The following ANK2 variants were observed in gnomAD, a reference collection of about 807,000 sequenced individuals.
ANK2 encodes ankyrin 2, also known as ankyrin-2.
Under a neutral mutation model 360.5 loss-of-function variants are expected in ANK2, and 83 were observed. The observed-to-expected ratio is 0.23, with a 90% CI of 0.19 to 0.28. The LOEUF is 0.28. Among genes scored for constraint, ANK2 ranks in the 10% least tolerant of loss-of-function variants. ANK2 has a pLI of 1.00. For synonymous variants in ANK2, 1,740 were observed against 1,759.5 expected (o/e 0.99, Z 0.28); for missense variants, 4,201 against 4,795.7 (o/e 0.88, Z 3.66).
At chr4:113,219,155 A>G (rs1206168186) in intron 4 of ANK2, among the ~76,000 whole-genome samples, 3 of 152,166 alleles carry the variant, frequency 2.0e-5, no homozygotes, top group Non-Finnish European at 4.4e-5. Context: ...TATACTACAT[A>G]CTGAAGATCT....
chr4:112,878,606 G>A lies in ANK2; in HGVS notation c.-39-25849G>A, dbSNP rs1230089253. Among the ~76,000 whole-genome samples the A allele has an allele frequency of 2.0e-5, 3 of 152,214 alleles. No individual in the cohort carries two copies. In the East Asian group the frequency reaches 5.8e-4, roughly 30 times the overall value. ...CTCCCAAAGTGTTGGGATTACAGGC[G>A]TGAGCCACTGTGCCCAGCCCTGACT... is the stretch of plus-strand genomic sequence containing the variant. On this transcript the variant is annotated intron_variant, in intron 1 of 30. Coordinates refer to the ANK2 transcript ENST00000503271.
At chr4:112,875,916 TTTTTC>T (rs2074938723) in intron 1 of ANK2, among the ~76,000 whole-genome samples, 2 of 149,520 alleles carry the variant, frequency 1.3e-5, no homozygotes, top group African/African-American at 4.9e-5. Flanking sequence ...TAATTTTTCT[TTTTTC>T]TTTTTTTTTT....
chr4:113,207,886 A>G (rs1229097810), intron 4 of ANK2, among the ~76,000 whole-genome samples: 1 of 152,134 alleles, frequency 6.6e-6, no homozygotes, highest in Non-Finnish European at 1.5e-5. Context: ...GGAAGTGGTA[A>G]CTGAACTTCT....
At chr4:113,098,639 A>G (rs2092166038) in intron 1 of ANK2, among the ~76,000 whole-genome samples, 2 of 152,022 alleles carry the variant, frequency 1.3e-5, no homozygotes, top group Admixed American at 1.3e-4. Context: ...ATTCTCTACA[A>G]TGTCTTCCAA....
intron 2 of ANK2, among the ~76,000 whole-genome samples, chr4:112,985,377 CTTCGCTCAT>C (rs936735917): frequency 3.9e-5 from 6 of 152,216 alleles, no homozygotes; most frequent in Non-Finnish European, 8.8e-5. Context: ...TGCTTCCCCA[CTTCGCTCAT>C]TTCTTCTAAG....
chr4:112,814,408 G>A (rs190045376), upstream of ANK2, among the ~76,000 whole-genome samples: 159 of 150,288 alleles, frequency 1.1e-3, no homozygotes, highest in African/African-American at 3.3e-3. Context: ...AAATGAGATG[G>A]AAAATGACTG....
At chr4:113,069,415 C>CT (rs1437901499) in intron 1 of ANK2, among the ~76,000 whole-genome samples, 3 of 152,202 alleles carry the variant, frequency 2.0e-5, no homozygotes, top group Admixed American at 1.3e-4. Flanking sequence ...AATAGCAACC[C>CT]TTGTCATGAA....
intron 1 of ANK2, among the ~76,000 whole-genome samples, chr4:113,060,492 C>T (rs533346533): frequency 1.3e-5 from 2 of 152,050 alleles, no homozygotes; most frequent in African/African-American, 2.4e-5. Context: ...AGCTCCTAAA[C>T]GAGCTATCCC....
chr4:113,031,101 C>T (rs1423623378), intron 2 of ANK2, among the ~76,000 whole-genome samples: 2 of 151,946 alleles, frequency 1.3e-5, no homozygotes, highest in African/African-American at 4.8e-5. Flanking sequence ...TTGAAAAATA[C>T]TTAACAGCTG....
At chr4:112,799,176 C>G in the ANK2 span, among the ~76,000 whole-genome samples, 1 of 152,166 alleles carries the variant, frequency 6.6e-6, no homozygotes. Flanking sequence ...AAATAACGTT[C>G]CATTGTATGT....
At chr4:113,297,260 C>A (rs1249531096) in intron 22 of ANK2, among the ~76,000 whole-genome samples, 1 of 152,078 alleles carries the variant, frequency 6.6e-6, no homozygotes, top group Non-Finnish European at 1.5e-5. Flanking sequence ...ATTTTGGCCT[C>A]CCAAAATGAT....
intron 1 of ANK2, among the ~76,000 whole-genome samples, chr4:113,172,812 A>G (rs2098033271): frequency 6.6e-6 from 1 of 152,244 alleles, no homozygotes; most frequent in Non-Finnish European, 1.5e-5. Flanking sequence ...ATAACATAAT[A>G]CACAGTATTA....
In ANK2 at chr4:113,280,668, T is replaced by C. The variant is rs115807404; in HGVS notation, c.1882-2007T>C. Among the ~76,000 whole-genome samples, 154 of 152,344 alleles carry C rather than the reference T, an allele frequency of 1.0e-3. 1 individual carries two copies. Among genetic ancestry groups the C allele is most frequent in the African/African-American group, 3.5e-3 (147 of 41,580 alleles). ...GTCCAGAACCTTCTCTTAGTCTTTA[T>C]TGGGAGTGCTGCAATTATTTGAGTC... On this transcript the variant is annotated intron_variant, in intron 17 of 45. Transcript: ENST00000357077.
upstream of ANK2, among the ~76,000 whole-genome samples, chr4:113,048,234 G>A (rs1171759808): frequency 2.8e-5 from 3 of 107,172 alleles, no homozygotes; most frequent in Admixed American, 1.2e-4. Flanking sequence ...GGTTCTGGTT[G>A]CATCTACAAG....
intron 9 of ANK2, 97 bp downstream of exon 9, chr4:113,242,306 T>A (rs1170134700): frequency 9.5e-7 from 1 of 1,056,116 alleles, no homozygotes; most frequent in Non-Finnish European, 1.5e-6. Flanking sequence ...ATAAGCAATG[T>A]GTTTTCAAGG....
In ANK2 at chr4:113,353,771, G is replaced by T. The variant is rs141790688; in HGVS notation, c.5153G>T (p.Gly1718Val). The T allele has an allele frequency of 2.3e-5, 37 of 1,613,772 alleles. No homozygotes were observed. Among genetic ancestry groups the T allele is most frequent in the Non-Finnish European group, 3.1e-5 (36 of 1,179,976 alleles). ...LKEKQKQKEE[G>V]LQASAEKAEL... ...GAAAAGCAGAAACAAAAAGAGGAAG[G>T]TTTACAAGCTAGTGCAGAGAAAGCT... The change falls in exon 38 of 46, where the codon GGT (glycine) becomes GTT (valine). Residue 1718 changes from glycine (G) to valine (V), a missense_variant. Gly to Val is a moderately radical substitution (Grantham distance 109). This residue lies in a region of ANK2 where 2,642 missense variants were observed against 2,714.5 expected (regional missense o/e 0.97). Transcript: ENST00000357077.
At chr4:112,853,450 C>A in intron 1 of ANK2, among the ~76,000 whole-genome samples, 1 of 152,048 alleles carries the variant, frequency 6.6e-6, no homozygotes, top group East Asian at 1.9e-4. Flanking sequence ...AATCCTCCTG[C>A]CTTGGCCTTC....
At chr4:113,138,966 G>A (rs1274736912) in intron 1 of ANK2, among the ~76,000 whole-genome samples, 1 of 152,176 alleles carries the variant, frequency 6.6e-6, no homozygotes, top group Non-Finnish European at 1.5e-5. Flanking sequence ...GTCATGAATA[G>A]TTCACTGGAT....
intron 2 of ANK2, among the ~76,000 whole-genome samples, chr4:112,983,117 TTC>T (rs997002531): frequency 1.8e-4 from 28 of 152,172 alleles, no homozygotes; most frequent in African/African-American, 6.3e-4. Context: ...AAAGCCAAAA[TTC>T]TCTTTTATTA....
Sources: gnomAD v4.1 joint callset for allele counts (sites outside exome capture counted in the v4.1 genomes callset) on GRCh38, gnomAD v4.1.1 for gene constraint, gnomAD v4.1.1 regional missense constraint, MANE v1.5 for transcripts, NCBI Gene and HGNC (gene_info 2026-07-23, HGNC 2026-07-21) for gene names.